NCAN: variants seen among roughly 807,000 people sequenced by gnomAD.
NCAN encodes neurocan.
A neutral mutation model predicts 121.8 loss-of-function variants in NCAN; 47 were observed. The observed-to-expected ratio is 0.39, with a 90% CI of 0.31 to 0.49. NCAN has a LOEUF of 0.49. NCAN is among the 20% of genes least tolerant of loss of function. The pLI is 0.92. For synonymous variants in NCAN, 633 were observed against 702.0 expected (o/e 0.90, Z 1.55); for missense variants, 1,517 against 1,773.4 (o/e 0.86, Z 2.60).
chr19:19,213,504 G>GT lies in NCAN; in HGVS notation c.-8+1441dup, dbSNP rs1346379618. ...CTGTTCCGTTCATCAAGGGGTTTATGTGGGGGGGGGGGGGCCCGAGACTGT... is the reference window on the plus strand; with the variant it reads ...CTGTTCCGTTCATCAAGGGGTTTATGTTGGGGGGGGGGGGGCCCGAGACTGT... On this transcript the variant is annotated intron_variant, in intron 1 of 14. Coordinates refer to ENST00000252575, the MANE Select transcript of NCAN (RefSeq NM_004386.3). 3.8e-5 allele frequency among the ~76,000 whole-genome samples: 4 copies of GT among 104,688 alleles called. No individual in the cohort carries two copies. In the East Asian group the frequency reaches 9.9e-4, roughly 26 times the overall value. The allele number at this position is 104,688 out of a possible 152,430, so 68.7% of individuals were successfully genotyped here. A position where few individuals can be genotyped will look rare whatever the true frequency, so the allele number is the denominator to read the frequency against.
intron 14 of NCAN, among the ~76,000 whole-genome samples, chr19:19,249,231 C>G (rs945335982): frequency 6.6e-6 from 1 of 151,938 alleles, no homozygotes; most frequent in African/African-American, 2.4e-5. Context: ...CTGCCATGCC[C>G]GGCTAATTTT....
rs978880579 is a variant in NCAN at position 19,224,529 on chromosome 19, C to T, written c.778+96C>T. The T allele has an allele frequency of 2.4e-5, 36 of 1,493,658 alleles. No homozygotes were observed. In the South Asian group the frequency reaches 2.5e-4, roughly 10 times the overall value. The allele number at this position is 1,493,658 out of a possible 1,614,324, so 92.5% of individuals were successfully genotyped here. A position where few individuals can be genotyped will look rare whatever the true frequency, so the allele number is the denominator to read the frequency against. On this transcript the variant is annotated intron_variant, in intron 5 of 14. Coordinates refer to ENST00000252575, the MANE Select transcript of NCAN (RefSeq NM_004386.3). ...ATCCTCCGGGGTCCTTATGCAACTC[C>T]CCTGTCTTATACCTCCCTAAACCTG...
chr19:19,238,110 A>T (rs1358362292), intron 10 of NCAN, 143 bp from the exon 11 acceptor site: 2 of 998,344 alleles, frequency 2.0e-6, no homozygotes, highest in African/African-American at 1.6e-5. Context: ...CCTCAGGAGG[A>T]GGGGCCAGGC....
rs183718651 is a variant in NCAN at position 19,250,440 on chromosome 19, C to A, written c.*529C>A. 6.7e-6 allele frequency: 2 copies of A among 299,710 alleles called. No individual in the cohort carries two copies. The highest frequency in any genetic ancestry group is 6.6e-6 in the Non-Finnish European group (1 of 152,624). The allele number at this position is 299,710 out of a possible 1,614,324, so 18.6% of individuals were successfully genotyped here. On this transcript the variant is annotated 3_prime_UTR_variant, in exon 15 of 15. Transcript: ENST00000252575. ...GCTCTCCCTTTACCCTGGACTTCAG[C>A]CCAAGTTCCGTCTTTGGTCTTGGTG...
chr19:19,241,608 G>A (rs940648235), intron 12 of NCAN, among the ~76,000 whole-genome samples: 1 of 151,552 alleles, frequency 6.6e-6, no homozygotes, highest in Non-Finnish European at 1.5e-5. Context: ...AAGCTGAGGC[G>A]GGAGGATCAC....
At position 19,226,789 on chromosome 19, in the gene NCAN, G is replaced by A; in HGVS notation, c.1376G>A (p.Gly459Glu). ...GTGGCCCCCAGCCCTAGCGACATGG[G>A]GGCAGGCACTGCAGCAAGTTCACAC... ...STVAPSPSDM[G>E]AGTAASSHTE... Residue 459 changes from glycine (G) to glutamate (E), a missense_variant, in exon 7 of 15, where the codon GGG becomes GAG. By Grantham distance (98) the Gly-to-Glu change is moderately conservative. Transcript: ENST00000252575. 1 of 1,613,408 alleles carries A rather than the reference G, an allele frequency of 6.2e-7. No individual in the cohort carries two copies. Among genetic ancestry groups the A allele is most frequent in the Non-Finnish European group, 8.5e-7 (1 of 1,179,968 alleles).
rs149325641 is a variant in NCAN, at chr19:19,227,576, C to T, written c.1956C>T (p.Thr652=). Reference sequence around the variant, plus strand: ...TACCACACCCCACCCCCATCTCCACCGAGGCCAATAGAGTTGAGGCACATG... The same window carrying T: ...TACCACACCCCACCCCCATCTCCACTGAGGCCAATAGAGTTGAGGCACATG... The part of the protein sequence containing the change: ...WMLPHPTPIS[T]EANRVEAHGE... The change falls in exon 8 of 15, where the codon ACC becomes ACT. Residue 652 remains threonine (T), a synonymous_variant. Coordinates refer to ENST00000252575, the MANE Select transcript of NCAN (RefSeq NM_004386.3). This position sits in a 1 kb window ranked among gnomAD's most constrained non-coding sequence, Gnocchi z 4.2. 6.8e-6 allele frequency: 11 copies of T among 1,613,924 alleles called. No homozygotes were observed. Among genetic ancestry groups the T allele is most frequent in the East Asian group, 2.2e-5 (1 of 44,894 alleles).
At chr19:19,216,535 C>A (rs2060796715) in intron 1 of NCAN, among the ~76,000 whole-genome samples, 1 of 152,156 alleles carries the variant, frequency 6.6e-6, no homozygotes, top group Non-Finnish European at 1.5e-5. Flanking sequence ...TGGTCTCGAA[C>A]CCCTGACCTC....
rs149176442 is a variant in NCAN, at chr19:19,218,921, A to C, written c.80A>C (p.Gln27Pro). 1 of 1,491,258 alleles carries C rather than the reference A, an allele frequency of 6.7e-7. No individual in the cohort carries two copies. The highest frequency in any genetic ancestry group is 8.9e-7 in the Non-Finnish European group (1 of 1,117,446). The allele number at this position is 1,491,258 out of a possible 1,614,324, so 92.4% of individuals were successfully genotyped here. The stretch of plus-strand genomic sequence containing the variant: ...TCCACCTTCTCCAACCCAGGCACAC[A>C]GGATATCACCGATGCCAGCGAAAGG... ...LLFVAGEQGT[Q>P]DITDASERGL... The change falls in exon 3 of 15, where the codon CAG becomes CCG. Residue 27 changes from glutamine to proline, a missense_variant. By Grantham distance (76) the Gln-to-Pro change is moderately conservative (BLOSUM62 -1). Coordinates refer to ENST00000252575, the MANE Select transcript of NCAN (RefSeq NM_004386.3).
chr19:19,240,487 T>C, intron 11 of NCAN, 116 bp from the exon 12 acceptor site: 1 of 927,222 alleles, frequency 1.1e-6, no homozygotes, highest in South Asian at 1.4e-5. Flanking sequence ...ACCTCCAGGC[T>C]GGGGAAGGTG....
chr19:19,218,264 C>T (rs993018053), intron 2 of NCAN, among the ~76,000 whole-genome samples: 2 of 151,376 alleles, frequency 1.3e-5, no homozygotes, highest in Non-Finnish European at 2.9e-5. Context: ...GGAGATGGAG[C>T]GAGACTCCAT....
intron 3 of NCAN, among the ~76,000 whole-genome samples, chr19:19,219,701 A>G (rs2060809417): frequency 6.8e-6 from 1 of 147,048 alleles, no homozygotes; most frequent in African/African-American, 2.6e-5. Flanking sequence ...AAGGAAAGAA[A>G]TCACTCTCTG....
chr19:19,245,601 C>T, intron 13 of NCAN, 144 bp downstream of exon 13: 1 of 931,814 alleles, frequency 1.1e-6, no homozygotes, highest in Non-Finnish European at 1.6e-6. Context: ...CCTCAGCTTC[C>T]CGAGTAGGTG....
At chr19:19,223,140 A>T (rs150387879) in intron 3 of NCAN, among the ~76,000 whole-genome samples, 1,567 of 151,702 alleles carry the variant, frequency 0.01, 33 homozygotes, top group African/African-American at 0.036. Context: ...AATAAAATAA[A>T]AAATAAATAA....
At position 19,227,349 on chromosome 19, in the gene NCAN, T is replaced by G. The variant is rs1476661141; in HGVS notation, c.1729T>G (p.Ser577Ala). 2.5e-6 allele frequency: 4 copies of G among 1,612,406 alleles called. No individual in the cohort carries two copies. The African/African-American group carries it at 5.3e-5, about 22-fold the overall frequency. ...CCCTACCATGGTCCCACCCAGCATC[T>G]CAGGCCACAGCAGGGCCCCTGTCCT... The part of the protein sequence containing the change: ...WPPTMVPPSI[S>A]GHSRAPVLEL... The change falls in exon 8 of 15, where the codon TCA (serine) becomes GCA (alanine). Residue 577 changes from serine (S) to alanine (A), a missense_variant. Transcript: ENST00000252575. The surrounding 1 kb of genome is among the most constrained non-coding windows in gnomAD (Gnocchi z 4.2).
chr19:19,246,533 G>GT (rs2060925075), intron 13 of NCAN, among the ~76,000 whole-genome samples: 1 of 151,920 alleles, frequency 6.6e-6, no homozygotes, highest in African/African-American at 2.4e-5. Context: ...ATAACCAGTT[G>GT]TTTTTTGTTT....
chr19:19,223,441 A>G (rs1013637928), intron 3 of NCAN, among the ~76,000 whole-genome samples: 1 of 152,094 alleles, frequency 6.6e-6, no homozygotes, highest in Non-Finnish European at 1.5e-5. Context: ...AGAGTTCAAT[A>G]AGATAATGCT....
In NCAN at chr19:19,227,397, C is replaced by G. The variant is rs769482303; in HGVS notation, c.1777C>G (p.Pro593Ala). 1.9e-6 allele frequency: 3 copies of G among 1,613,668 alleles called. No homozygotes were observed. In the South Asian group the frequency reaches 3.3e-5, roughly 18 times the overall value. ...PVLELEKAEG[P>A]SARPATPDLF... ...CCTGGAGCTAGAGAAAGCCGAGGGCCCCAGTGCCAGGCCAGCCACCCCAGA... is the reference window on the plus strand; with the variant it reads ...CCTGGAGCTAGAGAAAGCCGAGGGCGCCAGTGCCAGGCCAGCCACCCCAGA... The change falls in exon 8 of 15, where the codon CCC becomes GCC. Residue 593 changes from proline (P) to alanine (A), a missense_variant. Transcript: ENST00000252575. The surrounding 1 kb of genome is among the most constrained non-coding windows in gnomAD (Gnocchi z 4.2).
At chr19:19,224,276 C>G (rs1230102609) in intron 4 of NCAN, 30 bp from the exon 5 acceptor site, 53 of 1,606,836 alleles carry the variant, frequency 3.3e-5, no homozygotes, top group Non-Finnish European at 4.2e-5. Context: ...GAGCACACAT[C>G]TGAGAGGGAC....
Sources: allele counts gnomAD v4.1 joint callset (sites outside exome capture counted in the v4.1 genomes callset), GRCh38; gene constraint gnomAD v4.1.1; non-coding constraint Gnocchi (gnomAD v3.1); transcripts MANE v1.5; gene names NCBI Gene and HGNC (gene_info 2026-07-23, HGNC 2026-07-21).